The following ATG3 variants were observed in gnomAD, a reference collection of about 807,000 sequenced individuals.
The protein encoded by ATG3 is autophagy related 3, also known as ubiquitin-like-conjugating enzyme ATG3.
A neutral mutation model predicts 50.7 loss-of-function variants in ATG3; 25 were observed. The ratio of observed to expected loss-of-function variants is 0.49; its 90% CI spans 0.36 to 0.69. The LOEUF (loss-of-function observed/expected upper bound fraction) is 0.69, where lower values mean the gene tolerates loss of function less well. Among genes scored for constraint, ATG3 ranks in the 30% least tolerant of loss-of-function variants. ATG3 has a pLI of 0.00. For missense variants in ATG3, 281 were observed against 376.0 expected, an observed-to-expected ratio of 0.75 and a Z score of 2.09; for synonymous variants, 119 against 125.5, an observed-to-expected ratio of 0.95 and a Z score of 0.34.
chr3:112,559,548 TG>T (rs1436900275), intron 1 of ATG3, among the ~76,000 whole-genome samples: 1 of 152,142 alleles, frequency 6.6e-6, no homozygotes, highest in East Asian at 1.9e-4. Flanking sequence ...GTGGGGTGGC[TG>T]GGGAGAGATG....
chr3:112,542,353 TAC>T (rs2107374324), intron 6 of ATG3, among the ~76,000 whole-genome samples: 1 of 152,266 alleles, frequency 6.6e-6, no homozygotes, highest in South Asian at 2.1e-4. Context: ...TATCAGACTT[TAC>T]AGTTATTAAA....
chr3:112,549,256 A>G (rs578022520), intron 4 of ATG3, among the ~76,000 whole-genome samples: 21 of 152,218 alleles, frequency 1.4e-4, no homozygotes, highest in Non-Finnish European at 2.9e-4. Flanking sequence ...GGGTAATTAT[A>G]TGGTAAAAGC....
At position 112,532,641 on chromosome 3, in the gene ATG3, TG is replaced by T; in HGVS notation, c.*57del. 1 of 1,332,412 alleles carries T rather than the reference TG, an allele frequency of 7.5e-7. No individual in the cohort carries two copies. Among genetic ancestry groups the T allele is most frequent in the South Asian group, 1.5e-5 (1 of 68,272 alleles). 82.5% of individuals were successfully genotyped at this position (1,332,412 alleles called of 1,614,324 possible). On this transcript the variant is annotated 3_prime_UTR_variant, in exon 12 of 12. Transcript: ENST00000283290. The stretch of plus-strand genomic sequence containing the variant: ...TGAATATGGTCAATGGTCACATCTA[TG>T]GGTTAATTCTTTAAAAATCAGAACC...
chr3:112,558,702 G>A (rs1933754605), intron 1 of ATG3, among the ~76,000 whole-genome samples: 2 of 151,696 alleles, frequency 1.3e-5, no homozygotes, highest in Non-Finnish European at 2.9e-5. Flanking sequence ...TATCAGATCA[G>A]TGCTATAATA....
intron 5 of ATG3, 70 bp downstream of exon 5, chr3:112,548,463 A>C: frequency 7.7e-7 from 1 of 1,291,320 alleles, no homozygotes; most frequent in Admixed American, 1.8e-5. Context: ...TTTTTAAATC[A>C]AGGCTATTAT....
chr3:112,548,107 A>G (rs1459518261), intron 5 of ATG3, among the ~76,000 whole-genome samples: 1 of 152,184 alleles, frequency 6.6e-6, no homozygotes, highest in Non-Finnish European at 1.5e-5. Context: ...TAATCCTAGC[A>G]CTTTGGGAGG....
chr3:112,539,300 G>A (rs1933161242), intron 7 of ATG3, among the ~76,000 whole-genome samples: 1 of 152,060 alleles, frequency 6.6e-6, no homozygotes, highest in Non-Finnish European at 1.5e-5. Flanking sequence ...TATAGAATCT[G>A]GTCCCTGGTT....
intron 1 of ATG3, among the ~76,000 whole-genome samples, chr3:112,559,912 C>A (rs1278206035): frequency 2.0e-5 from 3 of 152,156 alleles, no homozygotes; most frequent in Non-Finnish European, 2.9e-5. Flanking sequence ...TACTTATTTC[C>A]TGAGGATTTT....
Position 112,556,927 on chromosome 3 carries a change from C to A in ATG3, c.114+1449G>T, listed in dbSNP as rs867125853. Among the ~76,000 whole-genome samples the A allele has an allele frequency of 1.4e-4, 22 of 151,982 alleles. 1 individual carries two copies. Among genetic ancestry groups the A allele is most frequent in the Middle Eastern group, 6.8e-3 (2 of 294 alleles). ...GTCCTCTGCCTAGGAAAACCAGAGA[C>A]CTTTGTTCACTTATCTGCTGACCTT... On this transcript the variant is annotated intron_variant, in intron 2 of 11. Coordinates refer to ENST00000283290, the MANE Select transcript of ATG3 (RefSeq NM_022488.5).
chr3:112,544,090 C>T lies in ATG3; in HGVS notation c.360G>A (p.Thr120=), dbSNP rs574563387. Residue 120 remains threonine, a synonymous_variant, in exon 6 of 12, where the codon ACG becomes ACA. Coordinates refer to ENST00000283290, the MANE Select transcript of ATG3 (RefSeq NM_022488.5). ...TYHNTGITGI[T]EAVKEITLEN... is the part of the protein sequence containing the mutation. Reference sequence around the variant, plus strand: ...CCAGTGTGATCTCTTTAACGGCTTCCGTTATTCCTGTAATACCTATGTAAA... The same window carrying T: ...CCAGTGTGATCTCTTTAACGGCTTCTGTTATTCCTGTAATACCTATGTAAA... 1.6e-5 allele frequency: 25 copies of T among 1,602,608 alleles called. No individual in the cohort carries two copies. Among genetic ancestry groups the T allele is most frequent in the Admixed American group, 1.7e-5 (1 of 59,870 alleles).
At chr3:112,555,145 A>G (rs1236724500) in intron 2 of ATG3, among the ~76,000 whole-genome samples, 1 of 152,234 alleles carries the variant, frequency 6.6e-6, no homozygotes, top group Non-Finnish European at 1.5e-5. Context: ...TTTATCTCAT[A>G]GTCCCTATAG....
chr3:112,553,066 C>T (rs1472828823), intron 3 of ATG3, among the ~76,000 whole-genome samples: 1 of 152,154 alleles, frequency 6.6e-6, no homozygotes, highest in Non-Finnish European at 1.5e-5. Context: ...TCAAATTAGT[C>T]CATCATATTG....
At chr3:112,551,719 AC>A (rs1398315217) in intron 3 of ATG3, among the ~76,000 whole-genome samples, 1 of 152,202 alleles carries the variant, frequency 6.6e-6, no homozygotes, top group Non-Finnish European at 1.5e-5. Context: ...CAAAATGAAT[AC>A]TACTGTAAAC....
intron 5 of ATG3, among the ~76,000 whole-genome samples, chr3:112,545,207 T>C (rs1332700020): frequency 6.6e-6 from 1 of 152,184 alleles, no homozygotes; most frequent in Non-Finnish European, 1.5e-5. Context: ...GGGATTAAAA[T>C]CCATACAAGC....
At chr3:112,560,592 CAAA>C (rs1265122380) in intron 1 of ATG3, among the ~76,000 whole-genome samples, 1 of 150,432 alleles carries the variant, frequency 6.6e-6, no homozygotes, top group Non-Finnish European at 1.5e-5. Flanking sequence ...AAAAAAAAAA[CAAA>C]AACTAAGCAA....
At chr3:112,557,186 G>GA in intron 2 of ATG3, among the ~76,000 whole-genome samples, 1 of 136,468 alleles carries the variant, frequency 7.3e-6, no homozygotes, top group African/African-American at 2.8e-5. Context: ...CGCCCAGGCT[G>GA]GACTACAGGC....
intron 11 of ATG3, 139 bp downstream of exon 11, chr3:112,534,130 G>GA: frequency 1.4e-6 from 2 of 1,414,850 alleles, no homozygotes; most frequent in Admixed American, 3.1e-5. Context: ...CTAAATAAAT[G>GA]AAAGACTTCT....
intron 3 of ATG3, among the ~76,000 whole-genome samples, chr3:112,552,673 A>T (rs1265937067): frequency 1.4e-5 from 2 of 146,670 alleles, no homozygotes; most frequent in Non-Finnish European, 3.0e-5. Flanking sequence ...TTGAGACGGG[A>T]GCCTCTCACT....
chr3:112,536,554 CCTGA>C lies in ATG3; in HGVS notation c.711_714del (p.Ser237ArgfsTer4). 3 of 1,613,986 alleles carry C rather than the reference CCTGA, an allele frequency of 1.9e-6. No homozygotes were observed. The highest frequency in any genetic ancestry group is 2.5e-6 in the Non-Finnish European group (3 of 1,179,894). On this transcript the variant is annotated frameshift_variant, in exon 10 of 12. Transcript: ENST00000283290. LOFTEE classifies it high-confidence loss of function. ...ATGGTCACTGTTTTCTTCACATGAT[CCTGA>C]CTGATGTCTTCATACATGTGCTCAA...
Sources: allele counts gnomAD v4.1 joint callset (sites outside exome capture counted in the v4.1 genomes callset), GRCh38; gene constraint gnomAD v4.1.1; transcripts MANE v1.5; gene names NCBI Gene and HGNC (gene_info 2026-07-23, HGNC 2026-07-21).